PLEKHG3: variants seen among roughly 807,000 people sequenced by gnomAD.
PLEKHG3 encodes the protein pleckstrin homology domain-containing family G member 3.
PLEKHG3 carries 62 observed loss-of-function variants against 94.9 expected under a neutral mutation model. That is an observed-to-expected ratio of 0.65 (90% CI 0.53 to 0.81). The LOEUF (loss-of-function observed/expected upper bound fraction) is 0.81. Among genes scored for constraint, PLEKHG3 ranks in the 30% least tolerant of loss-of-function variants. PLEKHG3 has a pLI of 0.00. For missense variants in PLEKHG3, 1,461 were observed against 1,619.3 expected, an observed-to-expected ratio of 0.90 and a Z score of 1.68; for synonymous variants, 614 against 654.0, an observed-to-expected ratio of 0.94 and a Z score of 0.93.
rs145274580 is a variant in PLEKHG3 at position 64,743,414 on chromosome 14, C to T, written c.3371C>T (p.Pro1124Leu). The T allele has an allele frequency of 8.5e-5, 137 of 1,610,932 alleles. No homozygotes were observed. The African/African-American group carries it at 1.4e-3, about 16-fold the overall frequency. Reference protein sequence around the residue: ...QSPGPLPQSKPDGGETLYVTA... With the variant: ...QSPGPLPQSKLDGGETLYVTA... ...CCTGGGCCTCTGCCCCAGAGCAAGC[C>T]GGATGGAGGCGAGACCCTGTATGTC... The change falls in exon 17 of 17, where the codon CCG becomes CTG. Residue 1124 changes from proline to leucine, a missense_variant. Transcript: ENST00000247226. This position sits in a 1 kb window ranked among gnomAD's most constrained non-coding sequence, Gnocchi z 7.2.
Position 64,745,819 on chromosome 14 carries a change from A to G in PLEKHG3, c.*2116A>G, listed in dbSNP as rs2081825885. The stretch of plus-strand genomic sequence containing the variant: ...TTCCCCAGGCAGTCCTTACACGGCC[A>G]TCTAGGTATGCCTGGGAACCTTGCA... On this transcript the variant is annotated 3_prime_UTR_variant, in exon 17 of 17. Transcript: ENST00000247226. The surrounding 1 kb of genome is among the most constrained non-coding windows in gnomAD (Gnocchi z 5.0). 6.6e-6 allele frequency: 1 copy of G among 152,180 alleles called. No individual in the cohort carries two copies. The highest frequency in any genetic ancestry group is 2.1e-4 in the South Asian group (1 of 4,832). 9.4% of individuals were successfully genotyped at this position (152,180 alleles called of 1,614,324 possible). A position where few individuals can be genotyped will look rare whatever the true frequency, so the allele number is the denominator to read the frequency against.
chr14:64,738,583 G>T lies in PLEKHG3; in HGVS notation c.1405-159G>T, dbSNP rs2081622198. ...CTGACAAGGCTTTCCGCAGCCCCAG[G>T]CCTGGCAGTTCAGGTTGGCTCTGGA... On this transcript the variant is annotated intron_variant, in intron 14 of 16. Coordinates refer to ENST00000247226, the MANE Select transcript of PLEKHG3 (RefSeq NM_001308147.2). This position sits in a 1 kb window ranked among gnomAD's most constrained non-coding sequence, Gnocchi z 4.8. 6.6e-6 allele frequency among the ~76,000 whole-genome samples: 1 copy of T among 152,252 alleles called. No homozygotes were observed. Among genetic ancestry groups the T allele is most frequent in the Admixed American group, 6.5e-5 (1 of 15,290 alleles).
Position 64,716,479 on chromosome 14 carries a change from ACAACACACACACACACAACACACACACAC to A in PLEKHG3, c.-39-11113_-39-11085del, listed in dbSNP as rs2081156575. Among the ~76,000 whole-genome samples, 2 of 135,478 alleles carry A rather than the reference ACAACACACACACACACAACACACACACAC, an allele frequency of 1.5e-5. No individual in the cohort carries two copies. The highest frequency in any genetic ancestry group is 5.9e-5 in the African/African-American group (2 of 33,794). The allele number at this position is 135,478 out of a possible 152,430, so 88.9% of individuals were successfully genotyped here. On this transcript the variant is annotated intron_variant, in intron 1 of 16. Transcript: ENST00000247226. The surrounding 1 kb of genome is among the most constrained non-coding windows in gnomAD (Gnocchi z 5.0). ...ACACACACACACAACACACACACAC[ACAACACACACACACACAACACACACACAC>A]ACACACACACACACACACACACACA...
At chr14:64,736,791 G>T in intron 12 of PLEKHG3, 62 bp from the exon 13 acceptor site, 1 of 1,275,760 alleles carries the variant, frequency 7.8e-7, no homozygotes, top group Non-Finnish European at 1.1e-6. Context: ...GTGAGCTTGG[G>T]ACCCAGCCAG....
Position 64,731,310 on chromosome 14 carries a change from TC to T in PLEKHG3, c.850-49del. 6.5e-7 allele frequency: 1 copy of T among 1,529,318 alleles called. No homozygotes were observed. Among genetic ancestry groups the T allele is most frequent in the Non-Finnish European group, 9.0e-7 (1 of 1,107,390 alleles). 94.7% of individuals were successfully genotyped at this position (1,529,318 alleles called of 1,614,324 possible). On this transcript the variant is annotated intron_variant, in intron 7 of 16. Transcript: ENST00000247226. This position sits in a 1 kb window ranked among gnomAD's most constrained non-coding sequence, Gnocchi z 6.1. ...CCTTTGTGGCAGGGTTTGCAGAGCC[TC>T]CTAAGGCCCCAGTGGCCTGACTCTA...
chr14:64,733,420 G>A (rs147363061), intron 12 of PLEKHG3, among the ~76,000 whole-genome samples: 2,757 of 152,058 alleles, frequency 0.018, 88 homozygotes, highest in African/African-American at 0.064. Flanking sequence ...CGCCCGTCTC[G>A]GACTCCCAAA....
rs1369099169 is a variant in PLEKHG3 at position 64,716,403 on chromosome 14, G to A, written c.-39-11190G>A. Among the ~76,000 whole-genome samples the A allele has an allele frequency of 6.8e-6, 1 of 148,114 alleles. No individual in the cohort carries two copies. The highest frequency in any genetic ancestry group is 2.0e-4 in the East Asian group (1 of 4,894). ...GGACTTCATGTCGTGAACATTTGGA[G>A]TTGAGTGGTTAGAGAAGGTCATGTA... On this transcript the variant is annotated intron_variant, in intron 1 of 16. Coordinates refer to ENST00000247226, the MANE Select transcript of PLEKHG3 (RefSeq NM_001308147.2). The surrounding 1 kb of genome is among the most constrained non-coding windows in gnomAD (Gnocchi z 5.0).
chr14:64,711,232 C>T (rs1385052229), intron 1 of PLEKHG3, among the ~76,000 whole-genome samples: 2 of 152,082 alleles, frequency 1.3e-5, no homozygotes, highest in Non-Finnish European at 1.5e-5. Flanking sequence ...TGTTTTGAAA[C>T]TCTGCATGCT....
Position 64,749,532 on chromosome 14 carries a change from C to G in PLEKHG3, c.*5829C>G. The G allele has an allele frequency of 6.9e-6, 11 of 1,599,634 alleles. No homozygotes were observed. The highest frequency in any genetic ancestry group is 9.3e-6 in the Non-Finnish European group (11 of 1,177,734). On this transcript the variant is annotated 3_prime_UTR_variant, in exon 17 of 17. Transcript: ENST00000247226. The surrounding 1 kb of genome is among the most constrained non-coding windows in gnomAD (Gnocchi z 4.7). ...GCCCACAGCCCCCCACCTCCCGGGC[C>G]AGGCAACAATGGTGGGGGCTCTTGG...
At chr14:64,710,265 C>T (rs897358975) in intron 1 of PLEKHG3, among the ~76,000 whole-genome samples, 2 of 152,180 alleles carry the variant, frequency 1.3e-5, no homozygotes, top group Admixed American at 6.5e-5. Flanking sequence ...CCAAGAAGGT[C>T]GAGGACTCAA....
In PLEKHG3 at chr14:64,741,938, G is replaced by A. The variant is rs2081705064; in HGVS notation, c.2421G>A (p.Glu807=). The stretch of plus-strand genomic sequence containing the variant: ...ACCCACCTCCCATCTCAGATGCTGA[G>A]TTCCGCCCATCTTCAGAAATTGTGA... ...KGDPPPISDA[E]FRPSSEIVKI... is the part of the protein sequence containing the mutation. Residue 807 remains glutamate, a synonymous_variant, in exon 16 of 17, where the codon GAG becomes GAA. Coordinates refer to ENST00000247226, the MANE Select transcript of PLEKHG3 (RefSeq NM_001308147.2). 3.2e-6 allele frequency: 5 copies of A among 1,581,374 alleles called. No homozygotes were observed. The highest frequency in any genetic ancestry group is 1.8e-5 in the Admixed American group (1 of 54,588).
rs746392097 is a variant in PLEKHG3 at position 64,732,077 on chromosome 14, T to C, written c.1126-18T>C. On this transcript the variant is annotated intron_variant, in intron 9 of 16. Coordinates refer to ENST00000247226, the MANE Select transcript of PLEKHG3 (RefSeq NM_001308147.2). This position sits in a 1 kb window ranked among gnomAD's most constrained non-coding sequence, Gnocchi z 4.9. ...TGTAATGATAACCACTGGGTCCCTT[T>C]CCCTTGGGTCCTCCCAGGCCAAGAC... 10 of 1,587,684 alleles carry C rather than the reference T, an allele frequency of 6.3e-6. No individual in the cohort carries two copies. Among genetic ancestry groups the C allele is most frequent in the African/African-American group, 1.3e-5 (1 of 74,392 alleles).
At chr14:64,719,886 G>A (rs2081234180) in intron 1 of PLEKHG3, among the ~76,000 whole-genome samples, 1 of 152,160 alleles carries the variant, frequency 6.6e-6, no homozygotes, top group Non-Finnish European at 1.5e-5. Context: ...GAACCTTTTT[G>A]ACCTCAAGAT....
chr14:64,724,408 G>A (rs897023157), intron 1 of PLEKHG3, among the ~76,000 whole-genome samples: 1 of 152,170 alleles, frequency 6.6e-6, no homozygotes, highest in African/African-American at 2.4e-5. Context: ...AAGAGAGAGA[G>A]AGCCTTGTGA....
Position 64,709,020 on chromosome 14 carries a change from A to C in PLEKHG3, c.-40+4316A>C, listed in dbSNP as rs73273504. Among the ~76,000 whole-genome samples, 66 of 152,362 alleles carry C rather than the reference A, an allele frequency of 4.3e-4. 1 individual carries two copies. The highest frequency in any genetic ancestry group is 1.5e-3 in the African/African-American group (64 of 41,594). On this transcript the variant is annotated intron_variant, in intron 1 of 16. Coordinates refer to ENST00000247226, the MANE Select transcript of PLEKHG3 (RefSeq NM_001308147.2). ...GAAGTCAGGAGAAAGAAAACTGGAC[A>C]ACGTGGACTAAACTGATCAGCAGGG... is the stretch of plus-strand genomic sequence containing the variant.
In PLEKHG3 at chr14:64,717,839, CT is replaced by C. The variant is rs1263121520; in HGVS notation, c.-39-9749del. 1.3e-5 allele frequency among the ~76,000 whole-genome samples: 2 copies of C among 152,214 alleles called. No homozygotes were observed. Among genetic ancestry groups the C allele is most frequent in the Non-Finnish European group, 2.9e-5 (2 of 68,044 alleles). Reference sequence around the variant, plus strand: ...CCACAGCCCATATCATGGTTTGGACCTTTTTAGGGCACATTCTGACACCTCG... The same window carrying C: ...CCACAGCCCATATCATGGTTTGGACCTTTTAGGGCACATTCTGACACCTCG... On this transcript the variant is annotated intron_variant, in intron 1 of 16. Transcript: ENST00000247226. This position sits in a 1 kb window ranked among gnomAD's most constrained non-coding sequence, Gnocchi z 4.7.
chr14:64,737,009 G>C, intron 13 of PLEKHG3, 118 bp downstream of exon 13: 1 of 823,366 alleles, frequency 1.2e-6, no homozygotes, highest in Non-Finnish European at 2.1e-6. Flanking sequence ...ATAGTGTAGA[G>C]GGAACTCTGC....
rs776185148 is a variant in PLEKHG3, at chr14:64,732,931, C to G, written c.1345+30C>G. The G allele has an allele frequency of 2.2e-6, 3 of 1,369,066 alleles. No individual in the cohort carries two copies. Among genetic ancestry groups the G allele is most frequent in the Non-Finnish European group, 1.0e-6 (1 of 971,798 alleles). 84.8% of individuals were successfully genotyped at this position (1,369,066 alleles called of 1,614,324 possible). ...GAGAAGGGCTGTGGAGGCAGGAGGC[C>G]TCTCCCTCACACCCTTGCCCAGACT... On this transcript the variant is annotated intron_variant, in intron 12 of 16. Transcript: ENST00000247226. This position sits in a 1 kb window ranked among gnomAD's most constrained non-coding sequence, Gnocchi z 4.9.
rs753354154 is a variant in PLEKHG3 at position 64,742,412 on chromosome 14, G to C, written c.2895G>C (p.Val965=). 6.2e-7 allele frequency: 1 copy of C among 1,612,508 alleles called. No homozygotes were observed. ...APERDGKSPT[V]PCLQEEAGEP... ...AGAGGGATGGGAAGAGCCCCACTGTGCCCTGTCTACAGGAAGAGGCTGGAG... is the reference window on the plus strand; with the variant it reads ...AGAGGGATGGGAAGAGCCCCACTGTCCCCTGTCTACAGGAAGAGGCTGGAG... Residue 965 remains valine (V), a synonymous_variant, in exon 16 of 17, where the codon GTG becomes GTC. Transcript: ENST00000247226.
Sources: gnomAD v4.1 joint callset for allele counts (sites outside exome capture counted in the v4.1 genomes callset) on GRCh38, gnomAD v4.1.1 for gene constraint, Gnocchi (gnomAD v3.1) non-coding constraint, MANE v1.5 for transcripts, NCBI Gene and HGNC (gene_info 2026-07-23, HGNC 2026-07-21) for gene names.